The following DNM2 variants were observed in gnomAD, a reference collection of about 807,000 sequenced individuals.
DNM2 encodes the protein dynamin-2.
In DNM2, 15 loss-of-function variants were observed where a neutral mutation model predicts 99.0. The ratio of observed to expected loss-of-function variants is 0.15; its 90% CI spans 0.10 to 0.23. The LOEUF (loss-of-function observed/expected upper bound fraction) is 0.23, where lower values mean the gene tolerates loss of function less well. DNM2 is among the 10% of genes least tolerant of loss of function. The probability of loss-of-function intolerance (pLI) is 1.00; values close to 1 mark genes in which losing one functional copy is unlikely to be tolerated. For missense variants in DNM2, 742 were observed against 1,189.4 expected, an observed-to-expected ratio of 0.62 and a Z score of 5.53; for synonymous variants, 525 against 481.2, an observed-to-expected ratio of 1.09 and a Z score of -1.19.
intron 1 of DNM2, among the ~76,000 whole-genome samples, chr19:10,742,104 A>G (rs1456356573): frequency 6.6e-6 from 1 of 151,800 alleles, no homozygotes; most frequent in Admixed American, 6.6e-5. Flanking sequence ...GCCTACTCCC[A>G]CTAACACTGA....
chr19:10,828,995 G>A (rs1429446439), intron 18 of DNM2, 41 bp from the exon 19 acceptor site: 3 of 1,587,970 alleles, frequency 1.9e-6, no homozygotes, highest in Admixed American at 3.5e-5. Flanking sequence ...TCTGGGTTGG[G>A]GTGATACACA....
chr19:10,757,390 G>A (rs143049357), intron 1 of DNM2, among the ~76,000 whole-genome samples: 12 of 152,334 alleles, frequency 7.9e-5, no homozygotes, highest in African/African-American at 2.6e-4. Context: ...CAGCCACTGG[G>A]TAATACATTC....
chr19:10,811,288 C>T lies in DNM2; in HGVS notation c.1558-976C>T, dbSNP rs990098722. 2.7e-5 allele frequency: 5 copies of T among 185,214 alleles called. No individual in the cohort carries two copies. The highest frequency in any genetic ancestry group is 5.7e-5 in the Non-Finnish European group (5 of 87,022). 11.5% of individuals were successfully genotyped at this position (185,214 alleles called of 1,614,324 possible). A position where few individuals can be genotyped will look rare whatever the true frequency, so the allele number is the denominator to read the frequency against. ...GGCTGGTGGCCCTGGTTCAGAATGTCAGGCCCGGGGTGGGTCGGGGTAGTC... is the reference window on the plus strand; with the variant it reads ...GGCTGGTGGCCCTGGTTCAGAATGTTAGGCCCGGGGTGGGTCGGGGTAGTC... On this transcript the variant is annotated intron_variant, in intron 14 of 20. Transcript: ENST00000389253. This position sits in a 1 kb window ranked among gnomAD's most constrained non-coding sequence, Gnocchi z 5.4.
At chr19:10,739,878 A>G (rs2069679488) in intron 1 of DNM2, among the ~76,000 whole-genome samples, 1 of 151,230 alleles carries the variant, frequency 6.6e-6, no homozygotes, top group African/African-American at 2.4e-5. Flanking sequence ...AAAAAAAAAA[A>G]AAAAAAAAAG....
intron 6 of DNM2, among the ~76,000 whole-genome samples, chr19:10,785,064 C>T (rs896602214): frequency 1.3e-5 from 2 of 151,768 alleles, no homozygotes; most frequent in African/African-American, 2.4e-5. Flanking sequence ...GTGATCTGCC[C>T]GCCTTAGCCT....
rs1412981464 is a variant in DNM2, at chr19:10,764,148, C to G, written c.235+4337C>G. 3.3e-5 allele frequency among the ~76,000 whole-genome samples: 5 copies of G among 152,150 alleles called. No homozygotes were observed. Among genetic ancestry groups the G allele is most frequent in the African/African-American group, 4.8e-5 (2 of 41,430 alleles). Reference sequence around the variant, plus strand: ...GGCTCCTAGGGATTGGCAGCTGGCTCTCTGTGACCAAACTCAGAACCAGGC... The same window carrying G: ...GGCTCCTAGGGATTGGCAGCTGGCTGTCTGTGACCAAACTCAGAACCAGGC... On this transcript the variant is annotated intron_variant, in intron 2 of 20. Coordinates refer to ENST00000389253, the MANE Select transcript of DNM2 (RefSeq NM_001005361.3). The surrounding 1 kb of genome is among the most constrained non-coding windows in gnomAD (Gnocchi z 4.1).
chr19:10,830,340 A>G lies in DNM2; in HGVS notation c.2505A>G (p.Pro835=). The G allele has an allele frequency of 6.2e-7, 1 of 1,612,970 alleles. No individual in the cohort carries two copies. Among genetic ancestry groups the G allele is most frequent in the African/African-American group, 1.3e-5 (1 of 75,016 alleles). ...CCCCGCCTCAGATCCCATCTCGGCC[A>G]GTTCGGATCCCCCCAGGGATTCCCC... ...FPAPPQIPSR[P]VRIPPGIPPG... is the part of the protein sequence containing the mutation. Residue 835 remains proline (P), a synonymous_variant, in exon 20 of 21, where the codon CCA becomes CCG. Transcript: ENST00000389253. The surrounding 1 kb of genome is among the most constrained non-coding windows in gnomAD (Gnocchi z 4.8).
intron 1 of DNM2, among the ~76,000 whole-genome samples, chr19:10,729,164 CA>C (rs919370114): frequency 6.1e-4 from 27 of 44,424 alleles, no homozygotes; most frequent in African/African-American, 1.8e-3. Context: ...GACTCCGTCT[CA>C]AAAAAAAAAA....
At chr19:10,802,717 C>T (rs1274244377) in intron 12 of DNM2, 3 of 368,222 alleles carry the variant, frequency 8.1e-6, no homozygotes, top group Non-Finnish European at 1.6e-5. Flanking sequence ...GACTCTGCCA[C>T]TTCATGGACA....
At chr19:10,821,516 G>A (rs2072969111) in intron 16 of DNM2, among the ~76,000 whole-genome samples, 1 of 151,946 alleles carries the variant, frequency 6.6e-6, no homozygotes, top group South Asian at 2.1e-4. Context: ...TCTGCGGTGG[G>A]ACAGGCCTGC....
Position 10,831,700 on chromosome 19 carries a change from G to A in DNM2, c.*653G>A. The A allele has an allele frequency of 2.0e-6, 2 of 986,282 alleles. No individual in the cohort carries two copies. The highest frequency in any genetic ancestry group is 2.4e-6 in the Non-Finnish European group (2 of 830,334). The allele number at this position is 986,282 out of a possible 1,614,324, so 61.1% of individuals were successfully genotyped here. Reference sequence around the variant, plus strand: ...TCCTCCTCCTCCTGGGTCCCCCAGGGTGGCTGGGCTTGGGCTATGTGGGTG... The same window carrying A: ...TCCTCCTCCTCCTGGGTCCCCCAGGATGGCTGGGCTTGGGCTATGTGGGTG... On this transcript the variant is annotated 3_prime_UTR_variant, in exon 21 of 21. Transcript: ENST00000389253. The surrounding 1 kb of genome is among the most constrained non-coding windows in gnomAD (Gnocchi z 4.3).
chr19:10,802,594 A>C, intron 12 of DNM2: 3 of 603,360 alleles, frequency 5.0e-6, no homozygotes, highest in Non-Finnish European at 6.1e-6. Context: ...GTTTAGGGAG[A>C]GGGCAGTGCT....
At chr19:10,718,631 C>A in intron 1 of DNM2, 1 of 503,302 alleles carries the variant, frequency 2.0e-6, no homozygotes, top group Non-Finnish European at 2.9e-6. Context: ...CGGGCCAGGG[C>A]GCCGTAGGAC....
At chr19:10,736,007 C>T (rs116575552) in intron 1 of DNM2, among the ~76,000 whole-genome samples, 338 of 152,162 alleles carry the variant, frequency 2.2e-3, no homozygotes, top group African/African-American at 7.8e-3. Flanking sequence ...CAGTGGCTGA[C>T]GCCTGTAATC....
rs763416432 is a variant in DNM2, at chr19:10,798,555, G to C, written c.1405G>C (p.Gly469Arg). ...CACCACTTACATCCGGGAACGGGAG[G>C]GGAGAACGAAGGACCAGGTACTGGC... ...IVTTYIRERE[G>R]RTKDQILLLI... Residue 469 changes from glycine to arginine, a missense_variant, in exon 11 of 21, where the codon GGG (glycine) becomes CGG (arginine). By Grantham distance (125) the Gly-to-Arg change is moderately radical (BLOSUM62 -2). Transcript: ENST00000389253. 6.2e-7 allele frequency: 1 copy of C among 1,614,220 alleles called. No individual in the cohort carries two copies. The highest frequency in any genetic ancestry group is 8.5e-7 in the Non-Finnish European group (1 of 1,180,044).
chr19:10,818,483 G>A lies in DNM2; in HGVS notation c.1672-1497G>A, dbSNP rs988444662. 5.9e-5 allele frequency among the ~76,000 whole-genome samples: 9 copies of A among 152,312 alleles called. No homozygotes were observed. The highest frequency in any genetic ancestry group is 4.1e-4 in the South Asian group (2 of 4,826). On this transcript the variant is annotated intron_variant, in intron 15 of 20. Coordinates refer to ENST00000389253, the MANE Select transcript of DNM2 (RefSeq NM_001005361.3). The surrounding 1 kb of genome is among the most constrained non-coding windows in gnomAD (Gnocchi z 4.3). ...GAGGTGGCGGGGAAGTGGCTTGCCC[G>A]AGGGCACACGGCCAGGAAAGGGCAG...
chr19:10,808,845 G>A (rs770530990), intron 14 of DNM2: 39 of 458,926 alleles, frequency 8.5e-5, no homozygotes, highest in Non-Finnish European at 1.4e-4. Context: ...CTGGTTTCCT[G>A]TAGGTCAGGG....
chr19:10,743,745 G>A (rs888454411), intron 1 of DNM2, among the ~76,000 whole-genome samples: 1 of 144,974 alleles, frequency 6.9e-6, no homozygotes, highest in South Asian at 2.2e-4. Flanking sequence ...GGGAGGCGGA[G>A]CTTGCAGTGA....
chr19:10,765,043 C>T lies in DNM2; in HGVS notation c.235+5232C>T, dbSNP rs1180343509. Among the ~76,000 whole-genome samples, 1 of 151,888 alleles carries T rather than the reference C, an allele frequency of 6.6e-6. No individual in the cohort carries two copies. The highest frequency in any genetic ancestry group is 1.9e-4 in the East Asian group (1 of 5,160). ...CGCCATCTCAGCTCACTGCAAGCTC[C>T]GCCTCCCGGGTTCACACCATGCTCC... is the stretch of plus-strand genomic sequence containing the variant. On this transcript the variant is annotated intron_variant, in intron 2 of 20. Transcript: ENST00000389253. This position sits in a 1 kb window ranked among gnomAD's most constrained non-coding sequence, Gnocchi z 4.4.
Sources: gnomAD v4.1 joint callset for allele counts (sites outside exome capture counted in the v4.1 genomes callset) on GRCh38, gnomAD v4.1.1 for gene constraint, Gnocchi (gnomAD v3.1) non-coding constraint, MANE v1.5 for transcripts, NCBI Gene and HGNC (gene_info 2026-07-23, HGNC 2026-07-21) for gene names.